PCED1B: variants seen among roughly 807,000 people sequenced by gnomAD.
The protein encoded by PCED1B is PC-esterase domain containing 1B, also known as PC-esterase domain-containing protein 1B.
For synonymous variants in PCED1B, 251 were observed against 246.1 expected, an observed-to-expected ratio of 1.02 and a Z score of -0.19; for missense variants, 573 against 573.9, an observed-to-expected ratio of 1.00 and a Z score of 0.02.
Position 47,154,831 on chromosome 12 carries a change from C to T in PCED1B, c.-526+50636C>T, listed in dbSNP as rs540886619. Among the ~76,000 whole-genome samples, 3 of 151,610 alleles carry T rather than the reference C, an allele frequency of 2.0e-5. No homozygotes were observed. The South Asian group carries it at 6.2e-4, about 32-fold the overall frequency. ...TGTGTGCATCTTCCTACTGCCTCCC[C>T]CAACAATAAGACTGTAATTAGCCTG... On this transcript the variant is annotated intron_variant, in intron 2 of 3. Transcript: ENST00000546455.
chr12:47,204,006 T>A (rs1942844821), intron 2 of PCED1B, among the ~76,000 whole-genome samples: 1 of 152,162 alleles, frequency 6.6e-6, no homozygotes, highest in South Asian at 2.1e-4. Context: ...CATCTGTTGT[T>A]TTTTGACTTT....
chr12:47,161,803 C>T (rs1387440833), intron 2 of PCED1B, among the ~76,000 whole-genome samples: 1 of 152,178 alleles, frequency 6.6e-6, no homozygotes, highest in African/African-American at 2.4e-5. Context: ...GCTGTAAAGA[C>T]ACATGCACAC....
At chr12:47,157,367 T>C (rs1042934740) in intron 2 of PCED1B, among the ~76,000 whole-genome samples, 3 of 152,130 alleles carry the variant, frequency 2.0e-5, no homozygotes, top group African/African-American at 7.2e-5. Context: ...GGCAGGAAGA[T>C]GGCTTGACAC....
intron 2 of PCED1B, among the ~76,000 whole-genome samples, chr12:47,204,795 T>C (rs114304003): frequency 0.018 from 2,723 of 152,278 alleles, 70 homozygotes; most frequent in African/African-American, 0.061. Context: ...GCCATAACAT[T>C]TATTTCTAAT....
At chr12:47,136,668 C>A (rs942410786) in intron 2 of PCED1B, among the ~76,000 whole-genome samples, 2 of 152,174 alleles carry the variant, frequency 1.3e-5, no homozygotes. Context: ...CTTTAATTTC[C>A]ATTTTAATAA....
intron 2 of PCED1B, among the ~76,000 whole-genome samples, chr12:47,177,247 A>C (rs1941951621): frequency 6.6e-6 from 1 of 152,244 alleles, no homozygotes; most frequent in South Asian, 2.1e-4. Context: ...AATCCCAAGC[A>C]CTGGAAGGAC....
intron 2 of PCED1B, among the ~76,000 whole-genome samples, chr12:47,203,782 T>A (rs1229149267): frequency 1.3e-5 from 2 of 152,220 alleles, no homozygotes; most frequent in African/African-American, 4.8e-5. Context: ...TACATATGCA[T>A]GTGTCTTTAT....
intron 2 of PCED1B, among the ~76,000 whole-genome samples, chr12:47,178,298 G>A (rs760103292): frequency 1.8e-4 from 28 of 152,270 alleles, no homozygotes; most frequent in Admixed American, 1.2e-3. Context: ...AGGAGGACCC[G>A]GTGGATGCCA....
At chr12:47,083,739 G>A (rs573375811) in intron 1 of PCED1B, among the ~76,000 whole-genome samples, 35 of 151,998 alleles carry the variant, frequency 2.3e-4, no homozygotes, top group African/African-American at 3.4e-4. Context: ...TTCTCTGGAC[G>A]CTCCCTTTAC....
At chr12:47,118,492 G>A (rs1296337227) in intron 2 of PCED1B, among the ~76,000 whole-genome samples, 1 of 152,174 alleles carries the variant, frequency 6.6e-6, no homozygotes, top group Non-Finnish European at 1.5e-5. Flanking sequence ...TCAAAGATCA[G>A]ATGGTTGTAG....
chr12:47,156,808 G>C (rs1285159845), intron 2 of PCED1B, among the ~76,000 whole-genome samples: 2 of 152,086 alleles, frequency 1.3e-5, no homozygotes, highest in African/African-American at 4.8e-5. Flanking sequence ...AACATCTGGA[G>C]CTGGTCTGCC....
rs543197764 is a variant in PCED1B at position 47,235,130 on chromosome 12, G to T, written c.67G>T (p.Asp23Tyr). ...CAATAAGTTCGTGGTCATCCTGGGG[G>T]ACTCTGTGCATAGGGCAGTATACAA... ...LHNKFVVILGDSVHRAVYKDL... is the reference protein window; with the variant it reads ...LHNKFVVILGYSVHRAVYKDL... The change falls in exon 4 of 4, where the codon GAC (aspartate) becomes TAC (tyrosine). Residue 23 changes from aspartate (D) to tyrosine (Y), a missense_variant. Physicochemically the swap from Asp to Tyr is radical, Grantham distance 160. Coordinates refer to ENST00000546455, the MANE Select transcript of PCED1B (RefSeq NM_138371.3). 1.3e-6 allele frequency: 2 copies of T among 1,543,374 alleles called. No individual in the cohort carries two copies. The highest frequency in any genetic ancestry group is 2.0e-5 in the Admixed American group (1 of 49,642).
intron 3 of PCED1B, among the ~76,000 whole-genome samples, 152 bp from the exon 4 acceptor site, chr12:47,234,855 G>C (rs969859776): frequency 2.6e-5 from 4 of 152,148 alleles, no homozygotes; most frequent in Non-Finnish European, 5.9e-5. Context: ...TCCGGGCTTG[G>C]TGGAGCCTGT....
chr12:47,089,458 ATACATATAT>A (rs1268895611), intron 1 of PCED1B, among the ~76,000 whole-genome samples: 43 of 46,804 alleles, frequency 9.2e-4, no homozygotes, highest in African/African-American at 2.9e-3. Flanking sequence ...AAAAAAAAAA[ATACATATAT>A]ATATATATAT....
At chr12:47,089,478 ATATATATATATATATG>A (rs1434648924) in intron 1 of PCED1B, among the ~76,000 whole-genome samples, 1,988 of 95,320 alleles carry the variant, frequency 0.021, 166 homozygotes, top group Non-Finnish European at 0.025. Flanking sequence ...ATATATATAT[ATATATATATATATATG>A]TATATACCAA....
At chr12:47,227,233 A>C (rs961227708) in intron 3 of PCED1B, among the ~76,000 whole-genome samples, 4 of 152,048 alleles carry the variant, frequency 2.6e-5, no homozygotes, top group Admixed American at 6.6e-5. Context: ...GCAAGATGGC[A>C]AGATCTCGGC....
intron 1 of PCED1B, among the ~76,000 whole-genome samples, chr12:47,087,923 A>G (rs1291399620): frequency 6.6e-6 from 1 of 152,230 alleles, no homozygotes; most frequent in African/African-American, 2.4e-5. Flanking sequence ...CAAGGAACTG[A>G]AACACCTTCT....
chr12:47,217,473 A>AG (rs1943313616), intron 3 of PCED1B, among the ~76,000 whole-genome samples: 1 of 91,970 alleles, frequency 1.1e-5, no homozygotes, highest in East Asian at 2.8e-4. Flanking sequence ...AAAGAAAGAG[A>AG]AAGAAAGAAA....
At chr12:47,192,173 G>GT (rs60925090) in intron 2 of PCED1B, among the ~76,000 whole-genome samples, 2,722 of 124,734 alleles carry the variant, frequency 0.022, 27 homozygotes, top group East Asian at 0.053. Context: ...TTTTTTTTTT[G>GT]TTTTTTTTTT....
Sources: allele counts gnomAD v4.1 joint callset (sites outside exome capture counted in the v4.1 genomes callset), GRCh38; gene constraint gnomAD v4.1.1; transcripts MANE v1.5; gene names NCBI Gene and HGNC (gene_info 2026-07-23, HGNC 2026-07-21).